IMMP1L: variants seen among roughly 807,000 people sequenced by gnomAD.
The protein encoded by IMMP1L is mitochondrial inner membrane protease subunit 1.
Under a neutral mutation model 21.8 loss-of-function variants are expected in IMMP1L, and 24 were observed. The ratio of observed to expected loss-of-function variants is 1.10; its 90% CI spans 0.80 to 1.55. The LOEUF (loss-of-function observed/expected upper bound fraction) is 1.55. Ranked by LOEUF, IMMP1L falls within the 40% of genes most tolerant of loss-of-function variation. The pLI is 0.00. For synonymous variants in IMMP1L, 46 were observed against 62.8 expected (o/e 0.73, Z 1.26); for missense variants, 195 against 200.7 (o/e 0.97, Z 0.17).
intron 1 of IMMP1L, chr11:31,477,540 T>C: frequency 4.1e-6 from 4 of 985,140 alleles, no homozygotes; most frequent in Non-Finnish European, 4.8e-6. Context: ...TTAATCACAG[T>C]TAGCAGGGCA....
In IMMP1L at chr11:31,477,677, G is replaced by A. The variant is rs75963035; in HGVS notation, c.-29-14372C>T. ...GTGTTACCGATAATCCCATTACACT[G>A]GTACTAAATCTTGCAGACATCAAAA... On this transcript the variant is annotated intron_variant, in intron 1 of 5. Transcript: ENST00000532287. 8.8e-3 allele frequency: 1,932 copies of A among 218,676 alleles called. 13 individuals carry two copies. The highest frequency in any genetic ancestry group is 0.013 in the Non-Finnish European group (1,617 of 128,852). The allele number at this position is 218,676 out of a possible 1,614,324, so 13.5% of individuals were successfully genotyped here.
chr11:31,465,248 G>A (rs1330323370), intron 1 of IMMP1L, among the ~76,000 whole-genome samples: 1 of 151,928 alleles, frequency 6.6e-6, no homozygotes, highest in Non-Finnish European at 1.5e-5. Flanking sequence ...ACCCAAGGAG[G>A]TGAAAGACCT....
intron 1 of IMMP1L, among the ~76,000 whole-genome samples, chr11:31,497,076 T>C (rs1033114975): frequency 6.6e-6 from 1 of 151,100 alleles, no homozygotes; most frequent in African/African-American, 2.4e-5. Context: ...AGATGGTCCC[T>C]GACTTAGCAA....
chr11:31,446,905 A>G (rs1207600599), intron 4 of IMMP1L, among the ~76,000 whole-genome samples: 3 of 152,182 alleles, frequency 2.0e-5, no homozygotes, highest in Non-Finnish European at 4.4e-5. Context: ...GGCAGCCACT[A>G]GTCATATATG....
At chr11:31,438,862 T>C (rs781518906) in intron 4 of IMMP1L, among the ~76,000 whole-genome samples, 12 of 152,210 alleles carry the variant, frequency 7.9e-5, no homozygotes, top group Non-Finnish European at 1.5e-4. Flanking sequence ...CAGGTATAAC[T>C]ATCTTCACAT....
intron 1 of IMMP1L, among the ~76,000 whole-genome samples, chr11:31,472,006 G>A (rs1038775072): frequency 6.6e-6 from 1 of 152,010 alleles, no homozygotes; most frequent in Non-Finnish European, 1.5e-5. Context: ...CCATCTCAAA[G>A]CCTTTAATCT....
chr11:31,432,656 C>T, intron 5 of IMMP1L, 88 bp from the exon 6 acceptor site: 2 of 859,958 alleles, frequency 2.3e-6, no homozygotes, highest in Non-Finnish European at 3.9e-6. Flanking sequence ...TCCCTTTTCT[C>T]TATGCCAGAT....
intron 4 of IMMP1L, among the ~76,000 whole-genome samples, chr11:31,451,831 C>A (rs1034211995): frequency 1.3e-5 from 2 of 151,762 alleles, no homozygotes; most frequent in African/African-American, 2.4e-5. Flanking sequence ...AAATATGAAC[C>A]TTTAGTTAAC....
intron 1 of IMMP1L, among the ~76,000 whole-genome samples, chr11:31,494,283 G>A (rs1472455534): frequency 6.6e-6 from 1 of 152,220 alleles, no homozygotes; most frequent in Non-Finnish European, 1.5e-5. Context: ...GCACCCACAG[G>A]CCCAACACCA....
intron 4 of IMMP1L, chr11:31,433,783 CT>C (rs1171283672): frequency 7.6e-6 from 3 of 393,776 alleles, no homozygotes; most frequent in East Asian, 4.3e-5. Context: ...AACCTATCAT[CT>C]TTTTTTGTCA....
At chr11:31,435,628 G>A (rs2133536014) in intron 4 of IMMP1L, among the ~76,000 whole-genome samples, 1 of 152,262 alleles carries the variant, frequency 6.6e-6, no homozygotes, top group South Asian at 2.1e-4. Flanking sequence ...TTCTTTTCGT[G>A]TTTAAGAGGC....
At chr11:31,437,416 C>T (rs1953162016) in intron 4 of IMMP1L, among the ~76,000 whole-genome samples, 1 of 152,114 alleles carries the variant, frequency 6.6e-6, no homozygotes, top group South Asian at 2.1e-4. Flanking sequence ...CACACAGGCA[C>T]TCAAAAAGCT....
At chr11:31,496,118 A>AT (rs200540773) in intron 1 of IMMP1L, among the ~76,000 whole-genome samples, 12 of 124,580 alleles carry the variant, frequency 9.6e-5, no homozygotes, top group Non-Finnish European at 1.7e-4. Context: ...AAAACCCGCA[A>AT]AAAAAAAAAA....
At chr11:31,495,135 C>T (rs532237333) in intron 1 of IMMP1L, among the ~76,000 whole-genome samples, 11 of 152,326 alleles carry the variant, frequency 7.2e-5, no homozygotes, top group African/African-American at 2.6e-4. Flanking sequence ...TAGTAAGTTG[C>T]TCATCTCCAT....
At chr11:31,452,127 A>C in intron 4 of IMMP1L, 2 of 691,776 alleles carry the variant, frequency 2.9e-6, no homozygotes, top group Non-Finnish European at 3.6e-6. Context: ...AAAAAATAAT[A>C]TGAAGCTCAG....
chr11:31,456,723 A>G (rs1309431684), intron 3 of IMMP1L, among the ~76,000 whole-genome samples: 2 of 151,850 alleles, frequency 1.3e-5, no homozygotes, highest in Non-Finnish European at 2.9e-5. Flanking sequence ...AATTGTGGAA[A>G]AACAATTCTA....
intron 1 of IMMP1L, among the ~76,000 whole-genome samples, chr11:31,468,334 T>A (rs1352221016): frequency 6.6e-6 from 1 of 152,170 alleles, no homozygotes; most frequent in African/African-American, 2.4e-5. Flanking sequence ...CTTCCTTTCA[T>A]ATGGTTCACT....
At chr11:31,434,601 T>G (rs1358287542) in intron 4 of IMMP1L, among the ~76,000 whole-genome samples, 6 of 149,188 alleles carry the variant, frequency 4.0e-5, no homozygotes, top group Non-Finnish European at 8.9e-5. Flanking sequence ...TAATGCAACT[T>G]TTTTTTTTAA....
chr11:31,448,825 G>C (rs568085698), intron 4 of IMMP1L: 113 of 400,492 alleles, frequency 2.8e-4, no homozygotes, highest in African/African-American at 2.4e-3. Flanking sequence ...TTAAGTCTAG[G>C]AGCCTCAAAG....
Sources: allele counts gnomAD v4.1 joint callset (sites outside exome capture counted in the v4.1 genomes callset), GRCh38; gene constraint gnomAD v4.1.1; transcripts MANE v1.5; gene names NCBI Gene and HGNC (gene_info 2026-07-23, HGNC 2026-07-21).